Variants in ELAPOR2 observed in about 807,000 individuals in gnomAD.
ELAPOR2 encodes endosome/lysosome-associated apoptosis and autophagy regulator family member 2.
A neutral mutation model predicts 120.7 loss-of-function variants in ELAPOR2; 89 were observed. The observed-to-expected ratio is 0.74, with a 90% confidence interval of 0.62 to 0.88. The LOEUF (loss-of-function observed/expected upper bound fraction) is 0.88, where lower values mean the gene tolerates loss of function less well. Among genes scored for constraint, ELAPOR2 ranks in the 40% least tolerant of loss-of-function variants. The pLI, the probability that ELAPOR2 is intolerant of heterozygous loss-of-function variation, is 0.00. For synonymous variants in ELAPOR2, 444 were observed against 444.9 expected (o/e 1.00, Z 0.03); for missense variants, 1,134 against 1,251.6 (o/e 0.91, Z 1.42).
intron 15 of ELAPOR2, among the ~76,000 whole-genome samples, chr7:86,911,282 C>A (rs777078477): frequency 2.0e-5 from 3 of 152,066 alleles, no homozygotes; most frequent in Non-Finnish European, 2.9e-5. Flanking sequence ...CAAAACAGGA[C>A]AGCTGTCATA....
chr7:87,046,846 C>T (rs111454940), intron 1 of ELAPOR2, among the ~76,000 whole-genome samples: 30 of 152,122 alleles, frequency 2.0e-4, no homozygotes, highest in Admixed American at 3.9e-4. Context: ...CAGTCTTGGG[C>T]AGTCCTTTAT....
At chr7:86,968,119 G>A (rs1024035272) in intron 1 of ELAPOR2, among the ~76,000 whole-genome samples, 14 of 152,204 alleles carry the variant, frequency 9.2e-5, no homozygotes, top group African/African-American at 2.9e-4. Flanking sequence ...CGAAAGGTAC[G>A]ATGTATATTT....
At chr7:86,950,657 C>A (rs1791207868) in intron 2 of ELAPOR2, among the ~76,000 whole-genome samples, 1 of 152,188 alleles carries the variant, frequency 6.6e-6, no homozygotes, top group Admixed American at 6.5e-5. Flanking sequence ...GTAGCCTGAA[C>A]CCCATGCTCA....
intron 21 of ELAPOR2, among the ~76,000 whole-genome samples, chr7:86,881,523 ATT>A (rs1799402307): frequency 6.6e-6 from 1 of 151,712 alleles, no homozygotes; most frequent in South Asian, 2.1e-4. Flanking sequence ...CGCCCAGATA[ATT>A]TTTTGTATTT....
intron 1 of ELAPOR2, among the ~76,000 whole-genome samples, chr7:87,049,948 T>G (rs1795054907): frequency 6.6e-6 from 1 of 152,198 alleles, no homozygotes; most frequent in South Asian, 2.1e-4. Context: ...AATAGGTTCC[T>G]TATAAAATAG....
At chr7:86,969,581 TG>T (rs1314240994) in intron 1 of ELAPOR2, among the ~76,000 whole-genome samples, 2 of 152,132 alleles carry the variant, frequency 1.3e-5, no homozygotes, top group African/African-American at 4.8e-5. Context: ...ACATAGTCCC[TG>T]TACTCAATAA....
At chr7:87,019,032 A>C (rs778281862) in intron 1 of ELAPOR2, among the ~76,000 whole-genome samples, 1 of 152,244 alleles carries the variant, frequency 6.6e-6, no homozygotes, top group Non-Finnish European at 1.5e-5. Context: ...AAAATGACAG[A>C]GATCACTTCG....
intron 5 of ELAPOR2, among the ~76,000 whole-genome samples, 170 bp downstream of exon 5, chr7:86,941,848 T>C (rs191865086): frequency 3.6e-4 from 55 of 152,102 alleles, no homozygotes; most frequent in African/African-American, 1.3e-3. Flanking sequence ...GGTAATTTTT[T>C]CCGTAACCAG....
In ELAPOR2 at chr7:86,880,261, C is replaced by G; in HGVS notation, c.*210G>C. The G allele has an allele frequency of 1.7e-6, 1 of 579,426 alleles. No homozygotes were observed. The highest frequency in any genetic ancestry group is 2.9e-5 in the East Asian group (1 of 34,420). 35.9% of individuals were successfully genotyped at this position (579,426 alleles called of 1,614,324 possible). A position where few individuals can be genotyped will look rare whatever the true frequency, so the allele number is the denominator to read the frequency against. Reference sequence around the variant, plus strand: ...AGTTGAGCTTCATCTTCAGTTGAGACCCAAATCATTTGCTTTCCTTTATTT... The same window carrying G: ...AGTTGAGCTTCATCTTCAGTTGAGAGCCAAATCATTTGCTTTCCTTTATTT... On this transcript the variant is annotated 3_prime_UTR_variant, in exon 22 of 22. Coordinates refer to ENST00000450689, the MANE Select transcript of ELAPOR2 (RefSeq NM_001142749.3).
intron 1 of ELAPOR2, among the ~76,000 whole-genome samples, chr7:87,021,445 C>T (rs569822724): frequency 6.6e-6 from 1 of 152,244 alleles, no homozygotes; most frequent in Admixed American, 6.5e-5. Context: ...CATATCAACA[C>T]ATTTAATGAC....
rs1004560284 is a variant in ELAPOR2 at position 86,923,513 on chromosome 7, T to C, written c.1399+2015A>G. ...AATTTTATTTAACCATACCCCATTA[T>C]TGAAAATTTAGTTTTCTCCTATTTT... is the stretch of plus-strand genomic sequence containing the variant. On this transcript the variant is annotated intron_variant, in intron 10 of 21. Transcript: ENST00000450689. Among the ~76,000 whole-genome samples the C allele has an allele frequency of 3.3e-5, 5 of 152,090 alleles. No individual in the cohort carries two copies. In the South Asian group the frequency reaches 6.2e-4, roughly 19 times the overall value.
chr7:87,057,240 T>C (rs947631371), intron 1 of ELAPOR2, among the ~76,000 whole-genome samples: 1 of 152,174 alleles, frequency 6.6e-6, no homozygotes, highest in East Asian at 1.9e-4. Flanking sequence ...TCCTTTACCT[T>C]CAAAGTCTGA....
chr7:86,917,145 C>T (rs182410188), intron 12 of ELAPOR2, among the ~76,000 whole-genome samples: 159 of 151,574 alleles, frequency 1.0e-3, no homozygotes, highest in African/African-American at 3.5e-3. Flanking sequence ...TTTAGTTGGG[C>T]GCGGTGACTC....
At chr7:87,053,586 G>A (rs982877191) in intron 1 of ELAPOR2, among the ~76,000 whole-genome samples, 9 of 152,176 alleles carry the variant, frequency 5.9e-5, no homozygotes, top group Admixed American at 3.3e-4. Context: ...TGCCCTTGGA[G>A]AGAGCACAAC....
Position 86,918,428 on chromosome 7 carries a change from G to GC in ELAPOR2, c.1593+13dup. ...GCTTAGAAATCTGCCTTTGAAAGCC[G>GC]CCCGTCCACTTACCACCATGAAGTA... On this transcript the variant is annotated intron_variant, in intron 12 of 21. Transcript: ENST00000450689. 3.3e-6 allele frequency: 5 copies of GC among 1,529,292 alleles called. No homozygotes were observed. Among genetic ancestry groups the GC allele is most frequent in the Non-Finnish European group, 3.6e-6 (4 of 1,114,306 alleles). The allele number at this position is 1,529,292 out of a possible 1,614,324, so 94.7% of individuals were successfully genotyped here.
intron 1 of ELAPOR2, among the ~76,000 whole-genome samples, chr7:87,038,846 TTAAA>T (rs1168360522): frequency 3.3e-5 from 5 of 151,360 alleles, no homozygotes; most frequent in Non-Finnish European, 7.4e-5. Flanking sequence ...AAAAAAAACT[TTAAA>T]TAAACAATCT....
At chr7:87,001,080 A>G (rs1635013) in intron 1 of ELAPOR2, among the ~76,000 whole-genome samples, 57,508 of 152,010 alleles carry the variant, frequency 0.38, 11,733 homozygotes, top group African/African-American at 0.53. Context: ...AAACCATCCT[A>G]ACATAAAGGA....
At chr7:87,017,740 G>A (rs1293407589) in intron 1 of ELAPOR2, among the ~76,000 whole-genome samples, 4 of 151,976 alleles carry the variant, frequency 2.6e-5, no homozygotes, top group Non-Finnish European at 4.4e-5. Context: ...GGACAACATG[G>A]CAAGACTTCG....
intron 1 of ELAPOR2, among the ~76,000 whole-genome samples, chr7:87,022,619 G>C (rs1794093247): frequency 6.6e-6 from 1 of 151,936 alleles, no homozygotes; most frequent in Non-Finnish European, 1.5e-5. Flanking sequence ...GGGTCAAATG[G>C]TATTTCTAGT....
Sources: gnomAD v4.1 joint callset for allele counts (sites outside exome capture counted in the v4.1 genomes callset) on GRCh38, gnomAD v4.1.1 for gene constraint, MANE v1.5 for transcripts, NCBI Gene and HGNC (gene_info 2026-07-23, HGNC 2026-07-21) for gene names.